UTP6: variants seen among roughly 807,000 people sequenced by gnomAD.
The protein encoded by UTP6 is UTP6 small subunit processome component.
Under a neutral mutation model 96.5 loss-of-function variants are expected in UTP6, and 60 were observed. The observed-to-expected ratio is 0.62, with a 90% confidence interval of 0.51 to 0.77. The LOEUF is 0.77. UTP6 is among the 30% of genes least tolerant of loss of function. The pLI is 0.00. For synonymous variants in UTP6, 215 were observed against 240.1 expected, an observed-to-expected ratio of 0.90 and a Z score of 0.96; for missense variants, 637 against 706.5, an observed-to-expected ratio of 0.90 and a Z score of 1.12.
Position 31,885,995 on chromosome 17 carries a change from C to T in UTP6, c.688G>A (p.Val230Ile). ...ELAWIIYKNS[V>I]SIIKGAEFHV... ...AGATACCTACCTTTAATTATGCTTACAGAATTTTTGTAGATGATCCATGCC... is the reference window on the plus strand; with the variant it reads ...AGATACCTACCTTTAATTATGCTTATAGAATTTTTGTAGATGATCCATGCC... Residue 230 changes from valine to isoleucine, a missense_variant, in exon 9 of 19, where the codon GTA becomes ATA. Coordinates refer to ENST00000261708, the MANE Select transcript of UTP6 (RefSeq NM_018428.3). 6.2e-7 allele frequency: 1 copy of T among 1,613,326 alleles called. No homozygotes were observed. Among genetic ancestry groups the T allele is most frequent in the Non-Finnish European group, 8.5e-7 (1 of 1,179,802 alleles).
At chr17:31,901,287 T>C in intron 1 of UTP6, 2 of 495,666 alleles carry the variant, frequency 4.0e-6, no homozygotes, top group South Asian at 5.0e-5. Flanking sequence ...CCTGGGTTTA[T>C]CACCTTTACA....
At position 31,899,680 on chromosome 17, in the gene UTP6, G is replaced by A. The variant is rs1904853913; in HGVS notation, c.143C>T (p.Thr48Ile). The A allele has an allele frequency of 1.2e-6, 2 of 1,606,298 alleles. No homozygotes were observed. The highest frequency in any genetic ancestry group is 1.7e-5 in the Admixed American group (1 of 58,972). Residue 48 changes from threonine to isoleucine, a missense_variant, in exon 2 of 19, where the codon ACC becomes ATC. Thr to Ile is a moderately conservative substitution (Grantham distance 89). Coordinates refer to ENST00000261708, the MANE Select transcript of UTP6 (RefSeq NM_018428.3). The stretch of plus-strand genomic sequence containing the variant: ...ATTGATAAAGTCTTCCTTGAAAAGG[G>A]TTCTTCTCTGGATTTTGTACTCTAG... ...SDLEYKIQRRTLFKEDFINYV... is the reference protein window; with the variant it reads ...SDLEYKIQRRILFKEDFINYV...
rs899543433 is a variant in UTP6 at position 31,891,808 on chromosome 17, G to C, written c.424+452C>G. 2.0e-5 allele frequency among the ~76,000 whole-genome samples: 3 copies of C among 152,178 alleles called. No homozygotes were observed. The South Asian group carries it at 6.2e-4, about 32-fold the overall frequency. On this transcript the variant is annotated intron_variant, in intron 6 of 18. Transcript: ENST00000261708. The stretch of plus-strand genomic sequence containing the variant: ...AAGGCCAAGGCGGGTGGATCACGAG[G>C]TCAGGGGTTCGAGAGACCAGCCTGA...
intron 5 of UTP6, 36 bp from the exon 6 acceptor site, chr17:31,892,359 G>A (rs1904370873): frequency 3.8e-6 from 6 of 1,583,096 alleles, no homozygotes; most frequent in Non-Finnish European, 4.3e-6. Context: ...TTCCTGCACA[G>A]ATAAATCATT....
chr17:31,899,673 GA>G lies in UTP6; in HGVS notation c.149del (p.Phe50SerfsTer18). The G allele has an allele frequency of 6.2e-7, 1 of 1,605,250 alleles. No individual in the cohort carries two copies. The highest frequency in any genetic ancestry group is 1.1e-5 in the South Asian group (1 of 89,200). ...GAACATAATTGATAAAGTCTTCCTT[GA>G]AAAGGGTTCTTCTCTGGATTTTGTA... ...LEYKIQRRTL[F>X]KEDFINYVQY... On this transcript the variant is annotated frameshift_variant, in exon 2 of 19. Transcript: ENST00000261708. LOFTEE classifies it high-confidence loss of function.
chr17:31,863,297 CAA>C lies in UTP6; in HGVS notation c.*60_*61del. ...GAGCAAATTACAGATGGACTCAATACAAATTTGCCCACGGGGCTTGCTTGCAA... is the reference window on the plus strand; with the variant it reads ...GAGCAAATTACAGATGGACTCAATACATTTGCCCACGGGGCTTGCTTGCAA... On this transcript the variant is annotated 3_prime_UTR_variant, in exon 19 of 19. Transcript: ENST00000261708. 1 of 1,575,126 alleles carries C rather than the reference CAA, an allele frequency of 6.3e-7. No homozygotes were observed. Among genetic ancestry groups the C allele is most frequent in the South Asian group, 1.2e-5 (1 of 86,032 alleles).
rs1369017913 is a variant in UTP6, at chr17:31,873,425, C to G, written c.1449G>C (p.Trp483Cys). 6.2e-7 allele frequency: 1 copy of G among 1,614,080 alleles called. No individual in the cohort carries two copies. The highest frequency in any genetic ancestry group is 1.7e-5 in the Admixed American group (1 of 59,988). Residue 483 changes from tryptophan to cysteine, a missense_variant, in exon 16 of 19, where the codon TGG becomes TGC. By Grantham distance (215) the Trp-to-Cys change is radical (BLOSUM62 -2). Coordinates refer to ENST00000261708, the MANE Select transcript of UTP6 (RefSeq NM_018428.3). ...TTTTGTAGCCACCACTTCGATAAGC[C>G]CAATCCAGGTACTTATTCTTCAGGG... The part of the protein sequence containing the change: ...SVTLKNKYLD[W>C]AYRSGGYKKA...
chr17:31,886,869 C>T (rs1049105952), intron 8 of UTP6, among the ~76,000 whole-genome samples: 15 of 152,254 alleles, frequency 9.9e-5, no homozygotes, highest in Admixed American at 2.0e-4. Context: ...GATCATACAG[C>T]GTTAAAGAAT....
chr17:31,900,784 G>A (rs1249486825), intron 1 of UTP6, among the ~76,000 whole-genome samples: 2 of 152,198 alleles, frequency 1.3e-5, no homozygotes, highest in African/African-American at 4.8e-5. Context: ...GCTAAGGAAT[G>A]AACATATGAC....
chr17:31,878,175 A>C, intron 13 of UTP6, 75 bp downstream of exon 13: 1 of 1,481,234 alleles, frequency 6.8e-7, no homozygotes, highest in South Asian at 1.1e-5. Context: ...TATATATTTA[A>C]AACATGACTC....
chr17:31,887,209 G>A (rs747112810), intron 8 of UTP6, 27 bp downstream of exon 8: 1 of 1,577,362 alleles, frequency 6.3e-7, no homozygotes, highest in African/African-American at 1.3e-5. Context: ...TCGTTAGCAA[G>A]TGAGAATAAA....
intron 10 of UTP6, among the ~76,000 whole-genome samples, chr17:31,883,412 T>G (rs1910961549): frequency 1.3e-5 from 2 of 151,576 alleles, no homozygotes; most frequent in Non-Finnish European, 2.9e-5. Flanking sequence ...ACCTCCCGGC[T>G]TCAAGTGATT....
chr17:31,879,741 A>G (rs1260560099), intron 11 of UTP6, among the ~76,000 whole-genome samples: 1 of 152,192 alleles, frequency 6.6e-6, no homozygotes, highest in Non-Finnish European at 1.5e-5. Context: ...AGCTTCCCCC[A>G]AAATAGATGA....
At chr17:31,870,043 T>C (rs1016060028) in intron 16 of UTP6, among the ~76,000 whole-genome samples, 1 of 152,234 alleles carries the variant, frequency 6.6e-6, no homozygotes, top group Admixed American at 6.5e-5. Context: ...CCATAGAGTA[T>C]ATTTACCACA....
At position 31,879,923 on chromosome 17, in the gene UTP6, T is replaced by C. The variant is rs147078853; in HGVS notation, c.967+650A>G. ...GAGTTCAAGACCAGCCTGGCCAACA[T>C]GGTGAAACTCCGTCTGTACTAAAAA... On this transcript the variant is annotated intron_variant, in intron 11 of 18. Coordinates refer to ENST00000261708, the MANE Select transcript of UTP6 (RefSeq NM_018428.3). 4.4e-3 allele frequency among the ~76,000 whole-genome samples: 662 copies of C among 151,636 alleles called. 16 individuals are homozygous for C. Among genetic ancestry groups the C allele is most frequent in the East Asian group, 0.036 (186 of 5,124 alleles).
At chr17:31,882,003 C>G (rs1342607766) in intron 10 of UTP6, among the ~76,000 whole-genome samples, 1 of 151,786 alleles carries the variant, frequency 6.6e-6, no homozygotes, top group African/African-American at 2.4e-5. Flanking sequence ...TAGCTGAGCT[C>G]TTCATTTTCG....
At chr17:31,871,002 T>G (rs1177278651) in intron 16 of UTP6, among the ~76,000 whole-genome samples, 2 of 150,178 alleles carry the variant, frequency 1.3e-5, no homozygotes, top group African/African-American at 4.9e-5. Context: ...TTTTTTTTTT[T>G]TTTTTGAGAT....
intron 10 of UTP6, among the ~76,000 whole-genome samples, chr17:31,882,384 G>A (rs182814551): frequency 5.4e-5 from 8 of 149,320 alleles, no homozygotes; most frequent in African/African-American, 1.2e-4. Context: ...GCAGTGGGAC[G>A]ATCTCAGCTC....
intron 18 of UTP6, among the ~76,000 whole-genome samples, chr17:31,863,969 G>C (rs1909673017): frequency 6.6e-6 from 1 of 152,126 alleles, no homozygotes. Flanking sequence ...CCAAAGTGCT[G>C]GGATTACAGG....
Sources: gnomAD v4.1 joint callset for allele counts (sites outside exome capture counted in the v4.1 genomes callset) on GRCh38, gnomAD v4.1.1 for gene constraint, MANE v1.5 for transcripts, NCBI Gene and HGNC (gene_info 2026-07-23, HGNC 2026-07-21) for gene names.